SLC12A4: variants seen among roughly 807,000 people sequenced by gnomAD.
The protein encoded by SLC12A4 is electroneutral potassium-chloride cotransporter 1.
A neutral mutation model predicts 119.2 loss-of-function variants in SLC12A4; 84 were observed. That is an observed-to-expected ratio of 0.70 (90% CI 0.59 to 0.85). The LOEUF (loss-of-function observed/expected upper bound fraction) is 0.85. SLC12A4 is among the 40% of genes least tolerant of loss of function. SLC12A4 has a pLI of 0.00. For synonymous variants in SLC12A4, 599 were observed against 604.6 expected, an observed-to-expected ratio of 0.99 and a Z score of 0.14; for missense variants, 1,298 against 1,476.3, an observed-to-expected ratio of 0.88 and a Z score of 1.98.
chr16:67,967,877 A>C (rs2030930891), intron 1 of SLC12A4, among the ~76,000 whole-genome samples: 1 of 134,922 alleles, frequency 7.4e-6, no homozygotes, highest in Non-Finnish European at 1.6e-5. Flanking sequence ...TGAGTGCTTC[A>C]CTGAGGCCCA....
At chr16:67,966,097 G>A (rs1394762316) in intron 1 of SLC12A4, among the ~76,000 whole-genome samples, 2 of 152,160 alleles carry the variant, frequency 1.3e-5, no homozygotes, top group African/African-American at 2.4e-5. Context: ...ACCTTCCCCC[G>A]TGTGACCCAG....
In SLC12A4 at chr16:67,951,728, C is replaced by G; in HGVS notation, c.1132+95G>C. On this transcript the variant is annotated intron_variant, in intron 8 of 23. Transcript: ENST00000316341. The surrounding 1 kb of genome is among the most constrained non-coding windows in gnomAD (Gnocchi z 5.2). ...GCTGGGAAGGCGGCCAGTCCTGCCCCCGTTCCCAAGCTGGCCACACAAGGA... is the reference window on the plus strand; with the variant it reads ...GCTGGGAAGGCGGCCAGTCCTGCCCGCGTTCCCAAGCTGGCCACACAAGGA... The G allele has an allele frequency of 8.5e-7, 1 of 1,170,808 alleles. No homozygotes were observed. Among genetic ancestry groups the G allele is most frequent in the South Asian group, 1.5e-5 (1 of 68,212 alleles). 72.5% of individuals were successfully genotyped at this position (1,170,808 alleles called of 1,614,324 possible).
In SLC12A4 at chr16:67,950,719, G is replaced by A. The variant is rs368621110; in HGVS notation, c.1397-8C>T. The A allele has an allele frequency of 1.6e-5, 26 of 1,604,768 alleles. No homozygotes were observed. The highest frequency in any genetic ancestry group is 1.2e-4 in the African/African-American group (9 of 74,384). On this transcript the variant is annotated splice_polypyrimidine_tract_variant and splice_region_variant and intron_variant, in intron 10 of 23. Coordinates refer to ENST00000316341, the MANE Select transcript of SLC12A4 (RefSeq NM_005072.5). This position sits in a 1 kb window ranked among gnomAD's most constrained non-coding sequence, Gnocchi z 4.3. ...GAACCACACTGCTGAAGTCTGCGGC[G>A]GCGTCAAGGAAAACTCGGCCTCTGC...
Position 67,951,851 on chromosome 16 carries a change from G to GA in SLC12A4, c.1103dup (p.Gly370ArgfsTer20). 35 of 1,613,562 alleles carry GA rather than the reference G, an allele frequency of 2.2e-5. No individual in the cohort carries two copies. Among genetic ancestry groups the GA allele is most frequent in the Non-Finnish European group, 3.0e-5 (35 of 1,179,944 alleles). On this transcript the variant is annotated frameshift_variant, in exon 8 of 24. Coordinates refer to ENST00000316341, the MANE Select transcript of SLC12A4 (RefSeq NM_005072.5). LOFTEE classifies it high-confidence loss of function. The surrounding 1 kb of genome is among the most constrained non-coding windows in gnomAD (Gnocchi z 5.2). ...GGAGCACACCAGCAGCTGCCCCGGGGATGCCAGGGATCTCGGTCACATTGT... is the reference window on the plus strand; with the variant it reads ...GGAGCACACCAGCAGCTGCCCCGGGGAATGCCAGGGATCTCGGTCACATTGT...
chr16:67,944,992 GCCATGCCCACCC>G lies in SLC12A4; in HGVS notation c.3167-73_3167-62del. The G allele has an allele frequency of 6.2e-7, 1 of 1,610,812 alleles. No individual in the cohort carries two copies. Among genetic ancestry groups the G allele is most frequent in the Non-Finnish European group, 8.5e-7 (1 of 1,178,270 alleles). On this transcript the variant is annotated intron_variant, in intron 23 of 23. Transcript: ENST00000316341. The surrounding 1 kb of genome is among the most constrained non-coding windows in gnomAD (Gnocchi z 6.6). ...TCAACGGGCAACCCGGGCCACCTGG[GCCATGCCCACCC>G]AGGGGTGCCCAGGAGAGAAGCCGCT...
In SLC12A4 at chr16:67,961,620, A is replaced by G. The variant is rs1300041588; in HGVS notation, c.297T>C (p.His99=). ...YTNLTQGAKE[H]EEAESGEGTR... is the part of the protein sequence containing the mutation. ...TGCCCTCCCCACTCTCGGCCTCCTCATGCTCTTTGGCGCCCTGGGTGAGGT... is the reference window on the plus strand; with the variant it reads ...TGCCCTCCCCACTCTCGGCCTCCTCGTGCTCTTTGGCGCCCTGGGTGAGGT... Residue 99 remains histidine, a synonymous_variant, in exon 3 of 24, where the codon CAT becomes CAC. Coordinates refer to ENST00000316341, the MANE Select transcript of SLC12A4 (RefSeq NM_005072.5). 1.2e-6 allele frequency: 2 copies of G among 1,613,988 alleles called. 1 individual carries two copies.
intron 3 of SLC12A4, 60 bp from the exon 4 acceptor site, chr16:67,958,104 C>T (rs1206604680): frequency 1.3e-6 from 2 of 1,563,262 alleles, no homozygotes; most frequent in Non-Finnish European, 1.7e-6. Flanking sequence ...CATGGAGAGT[C>T]AGCCCTAGTC....
chr16:67,955,933 T>G (rs990059313), intron 5 of SLC12A4, among the ~76,000 whole-genome samples: 4 of 151,878 alleles, frequency 2.6e-5, no homozygotes, highest in African/African-American at 9.7e-5. Flanking sequence ...TCCCAGCACT[T>G]TGGGAGGCTG....
In SLC12A4 at chr16:67,944,180, G is replaced by A. The variant is rs564268756; in HGVS notation, c.*660C>T. 1.3e-5 allele frequency: 19 copies of A among 1,505,782 alleles called. No individual in the cohort carries two copies. In the East Asian group the frequency reaches 2.7e-4, roughly 22 times the overall value. 93.3% of individuals were successfully genotyped at this position (1,505,782 alleles called of 1,614,324 possible). A position where few individuals can be genotyped will look rare whatever the true frequency, so the allele number is the denominator to read the frequency against. On this transcript the variant is annotated 3_prime_UTR_variant, in exon 24 of 24. Transcript: ENST00000316341. The surrounding 1 kb of genome is among the most constrained non-coding windows in gnomAD (Gnocchi z 6.6). Reference sequence around the variant, plus strand: ...GTGTGGGAGTGGGAGGGGCCCTAGGGCCAGTGGGAGGGACGGCCTGGCCAG... The same window carrying A: ...GTGTGGGAGTGGGAGGGGCCCTAGGACCAGTGGGAGGGACGGCCTGGCCAG...
rs766215087 is a variant in SLC12A4, at chr16:67,949,925, G to A, written c.1630-7C>T. 9 of 1,600,560 alleles carry A rather than the reference G, an allele frequency of 5.6e-6. No individual in the cohort carries two copies. Among genetic ancestry groups the A allele is most frequent in the Non-Finnish European group, 7.7e-6 (9 of 1,168,452 alleles). On this transcript the variant is annotated splice_polypyrimidine_tract_variant and splice_region_variant and intron_variant, in intron 12 of 23. Coordinates refer to ENST00000316341, the MANE Select transcript of SLC12A4 (RefSeq NM_005072.5). The surrounding 1 kb of genome is among the most constrained non-coding windows in gnomAD (Gnocchi z 4.6). ...CCTTCCCGTGGCCAAACACCTGTGTGCACCAGGAAGGAAGCTGGGTCCTGT... is the reference window on the plus strand; with the variant it reads ...CCTTCCCGTGGCCAAACACCTGTGTACACCAGGAAGGAAGCTGGGTCCTGT...
intron 5 of SLC12A4, among the ~76,000 whole-genome samples, chr16:67,956,738 T>C (rs974598228): frequency 2.6e-5 from 4 of 151,320 alleles, no homozygotes; most frequent in Admixed American, 6.6e-5. Context: ...TTGGGAAACA[T>C]ACACACACAC....
chr16:67,961,713 A>T lies in SLC12A4; in HGVS notation c.211-7T>A, dbSNP rs777257841. 6.2e-6 allele frequency: 10 copies of T among 1,613,958 alleles called. No homozygotes were observed. The Admixed American group carries it at 8.3e-5, about 13-fold the overall frequency. ...GGCGGATGTCCAGCTCTTCCTGCAA[A>T]CAGAGCCACAGGGCAAGATGGCATT... On this transcript the variant is annotated splice_region_variant and splice_polypyrimidine_tract_variant and intron_variant, in intron 2 of 23. Coordinates refer to ENST00000316341, the MANE Select transcript of SLC12A4 (RefSeq NM_005072.5).
intron 5 of SLC12A4, chr16:67,957,513 C>CA (rs764006730): frequency 2.5e-5 from 14 of 562,934 alleles, no homozygotes; most frequent in Non-Finnish European, 4.4e-5. Context: ...ATACATTGCC[C>CA]TTTTTTTTTC....
intron 5 of SLC12A4, among the ~76,000 whole-genome samples, chr16:67,955,288 A>G (rs2030191183): frequency 6.6e-6 from 1 of 152,230 alleles, no homozygotes; most frequent in Admixed American, 6.5e-5. Flanking sequence ...AACACCCTTA[A>G]AAGACTCAGA....
rs908863953 is a variant in SLC12A4 at position 67,949,059 on chromosome 16, G to C, written c.1748+741C>G. 6.6e-6 allele frequency among the ~76,000 whole-genome samples: 1 copy of C among 152,172 alleles called. No homozygotes were observed. The highest frequency in any genetic ancestry group is 1.5e-5 in the Non-Finnish European group (1 of 68,026). Reference sequence around the variant, plus strand: ...GAGTCAACCAAACAAGCGCTGCCTCGGGGTCCCTGGGAGTCACCACATGCT... The same window carrying C: ...GAGTCAACCAAACAAGCGCTGCCTCCGGGTCCCTGGGAGTCACCACATGCT... On this transcript the variant is annotated intron_variant, in intron 13 of 23. Coordinates refer to ENST00000316341, the MANE Select transcript of SLC12A4 (RefSeq NM_005072.5). This position sits in a 1 kb window ranked among gnomAD's most constrained non-coding sequence, Gnocchi z 4.6.
chr16:67,958,736 A>G (rs2030406523), intron 3 of SLC12A4, among the ~76,000 whole-genome samples: 1 of 152,012 alleles, frequency 6.6e-6, no homozygotes, highest in African/African-American at 2.4e-5. Flanking sequence ...GCCCCTGACC[A>G]CATGGGTCCC....
chr16:67,946,488 G>A lies in SLC12A4; in HGVS notation c.2387C>T (p.Pro796Leu). 1 of 1,608,508 alleles carries A rather than the reference G, an allele frequency of 6.2e-7. No homozygotes were observed. The highest frequency in any genetic ancestry group is 2.2e-5 in the East Asian group (1 of 44,882). Residue 796 changes from proline to leucine, a missense_variant, in exon 18 of 24, where the codon CCC becomes CTC. By Grantham distance (98) the Pro-to-Leu change is moderately conservative. Transcript: ENST00000316341. ...GTCCTCGCTCTGTCGCCAGCCGTAG[G>A]GCCAGCCCAGCACCACGGAGTTATG... ...MRHNSVVLGW[P>L]YGWRQSEDPR...
At chr16:67,968,174 C>T (rs958940327) in intron 1 of SLC12A4, among the ~76,000 whole-genome samples, 1 of 152,026 alleles carries the variant, frequency 6.6e-6, no homozygotes, top group Non-Finnish European at 1.5e-5. Context: ...CCCTGGGCGG[C>T]CACGTCTGCA....
chr16:67,957,676 C>A, intron 5 of SLC12A4, 66 bp downstream of exon 5: 1 of 1,592,326 alleles, frequency 6.3e-7, no homozygotes, highest in South Asian at 1.1e-5. Flanking sequence ...TGGGGGTTCC[C>A]AGGTAGGTCA....
Sources: gnomAD v4.1 joint callset for allele counts (sites outside exome capture counted in the v4.1 genomes callset) on GRCh38, gnomAD v4.1.1 for gene constraint, Gnocchi (gnomAD v3.1) non-coding constraint, MANE v1.5 for transcripts, NCBI Gene and HGNC (gene_info 2026-07-23, HGNC 2026-07-21) for gene names.